Variants in WWP1 observed in about 807,000 individuals in gnomAD.
WWP1 encodes NEDD4-like E3 ubiquitin-protein ligase WWP1.
A neutral mutation model predicts 130.6 loss-of-function variants in WWP1; 49 were observed. The ratio of observed to expected loss-of-function variants is 0.38; its 90% CI spans 0.30 to 0.48. The LOEUF (loss-of-function observed/expected upper bound fraction) is 0.48, where lower values mean the gene tolerates loss of function less well. Among genes scored for constraint, WWP1 ranks in the 20% least tolerant of loss-of-function variants. The pLI, the probability that WWP1 is intolerant of heterozygous loss-of-function variation, is 0.99. For missense variants in WWP1, 809 were observed against 1,100.6 expected (o/e 0.74, Z 3.75); for synonymous variants, 332 against 367.8 (o/e 0.90, Z 1.11).
rs898607280 is a variant in WWP1 at position 86,377,121 on chromosome 8, T to C, written c.70+3001T>C. On this transcript the variant is annotated intron_variant, in intron 3 of 24. Transcript: ENST00000517970. Reference sequence around the variant, plus strand: ...TTTTTTTTGAAATGGAGTCTTGCTCTGTTGCCCAGGCTGGAGTGCAGTGGC... The same window carrying C: ...TTTTTTTTGAAATGGAGTCTTGCTCCGTTGCCCAGGCTGGAGTGCAGTGGC... Among the ~76,000 whole-genome samples, 17 of 152,256 alleles carry C rather than the reference T, an allele frequency of 1.1e-4. No homozygotes were observed. The South Asian group carries it at 2.7e-3, about 24-fold the overall frequency.
intron 5 of WWP1, among the ~76,000 whole-genome samples, chr8:86,382,315 A>G (rs1825028301): frequency 6.6e-6 from 1 of 152,176 alleles, no homozygotes; most frequent in African/African-American, 2.4e-5. Flanking sequence ...ATGCAAAAAT[A>G]TGGGGGTATG....
intron 21 of WWP1, 45 bp from the exon 22 acceptor site, chr8:86,457,876 T>G: frequency 3.8e-6 from 6 of 1,567,998 alleles, no homozygotes; most frequent in Non-Finnish European, 5.3e-6. Context: ...AATTATTCTC[T>G]TCACTAAATC....
At chr8:86,367,345 A>C (rs1824029898) in intron 1 of WWP1, among the ~76,000 whole-genome samples, 1 of 152,242 alleles carries the variant, frequency 6.6e-6, no homozygotes, top group Non-Finnish European at 1.5e-5. Context: ...TTAACACTGC[A>C]GAGTGTGCAG....
chr8:86,414,712 C>A (rs1808785590), intron 9 of WWP1, among the ~76,000 whole-genome samples: 1 of 152,114 alleles, frequency 6.6e-6, no homozygotes, highest in Non-Finnish European at 1.5e-5. Flanking sequence ...ACTTCAAGTT[C>A]TTTTGTTAAC....
chr8:86,396,797 G>C (rs1343801487), intron 5 of WWP1, among the ~76,000 whole-genome samples: 1 of 152,016 alleles, frequency 6.6e-6, no homozygotes, highest in South Asian at 2.1e-4. Context: ...ACAGCGTCTT[G>C]CTATGTTGGC....
chr8:86,406,731 G>A (rs6992287), intron 8 of WWP1, among the ~76,000 whole-genome samples: 111,006 of 151,986 alleles, frequency 0.73, 41,388 homozygotes, highest in African/African-American at 0.82. Flanking sequence ...TTCAATCCAG[G>A]TACAGAACTG....
At chr8:86,347,734 A>G (rs1263280480) in intron 1 of WWP1, among the ~76,000 whole-genome samples, 1 of 152,214 alleles carries the variant, frequency 6.6e-6, no homozygotes, top group Non-Finnish European at 1.5e-5. Flanking sequence ...AAAATTTTGA[A>G]TTTAATTCTG....
At chr8:86,361,080 G>A (rs1212469259) in intron 1 of WWP1, among the ~76,000 whole-genome samples, 3 of 152,150 alleles carry the variant, frequency 2.0e-5, no homozygotes, top group Admixed American at 6.5e-5. Flanking sequence ...ATGAGAGAAC[G>A]TTGGAAACAG....
chr8:86,401,999 T>G lies in WWP1; in HGVS notation c.540-20T>G. 1.3e-6 allele frequency: 2 copies of G among 1,542,406 alleles called. No individual in the cohort carries two copies. Among genetic ancestry groups the G allele is most frequent in the Non-Finnish European group, 1.8e-6 (2 of 1,140,780 alleles). On this transcript the variant is annotated intron_variant, in intron 7 of 24. Transcript: ENST00000517970. ...TTGAATTATACTTAAATGATTGAAA[T>G]AAGGCATTTTTTTTTCAAGGTTGGC...
chr8:86,357,366 GC>G (rs1442792074), intron 1 of WWP1, among the ~76,000 whole-genome samples: 3 of 152,006 alleles, frequency 2.0e-5, no homozygotes, highest in African/African-American at 7.2e-5. Flanking sequence ...ACTGCTAACA[GC>G]CAAATACTCT....
At chr8:86,452,752 C>T (rs1290171269) in intron 21 of WWP1, 73 bp downstream of exon 21, 6 of 1,548,710 alleles carry the variant, frequency 3.9e-6, no homozygotes, top group East Asian at 2.3e-5. Context: ...TTTTACAGAA[C>T]AGTGTTCACA....
At position 86,442,604 on chromosome 8, in the gene WWP1, C is replaced by T. The variant is rs1420450463; in HGVS notation, c.1839-15C>T. On this transcript the variant is annotated splice_polypyrimidine_tract_variant and intron_variant, in intron 17 of 24. Transcript: ENST00000517970. ...TATTAATGCTAAAAAATAACCTTGA[C>T]TTATTTTCTTATAGAGAATGGTTTT... The T allele has an allele frequency of 6.4e-7, 1 of 1,571,552 alleles. No homozygotes were observed. Among genetic ancestry groups the T allele is most frequent in the Non-Finnish European group, 8.6e-7 (1 of 1,161,042 alleles).
chr8:86,456,891 A>G (rs755136878), intron 21 of WWP1, among the ~76,000 whole-genome samples: 6 of 152,136 alleles, frequency 3.9e-5, no homozygotes, highest in Non-Finnish European at 7.4e-5. Flanking sequence ...ATATGTATGT[A>G]TGCATATATA....
intron 9 of WWP1, among the ~76,000 whole-genome samples, chr8:86,419,327 AG>A (rs1809066341): frequency 1.3e-5 from 2 of 152,222 alleles, no homozygotes; most frequent in Admixed American, 1.3e-4. Flanking sequence ...CTGAGGCAGA[AG>A]AATCGCTTGA....
chr8:86,374,118 C>T lies in WWP1; in HGVS notation c.68C>T (p.Thr23Ile). 2 of 1,604,960 alleles carry T rather than the reference C, an allele frequency of 1.2e-6. No homozygotes were observed. The highest frequency in any genetic ancestry group is 1.7e-6 in the Non-Finnish European group (2 of 1,176,598). The stretch of plus-strand genomic sequence containing the variant: ...AGTGGAAGGTTGCAGTTACAGGTAA[C>T]TGGTAAGTTATTTTTATATTTAATA... ...NHSGRLQLQVTVSSAKLKRKK... is the reference protein window; with the variant it reads ...NHSGRLQLQVIVSSAKLKRKK... The change falls in exon 3 of 25, where the codon ACT (threonine) becomes ATT (isoleucine). Residue 23 changes from threonine (T) to isoleucine (I), a missense_variant and splice_region_variant. Around this residue, in one of 3 missense-constraint regions of WWP1, gnomAD observed 262 missense variants for 346.0 expected, o/e 0.76. Transcript: ENST00000517970.
At chr8:86,361,974 GTATA>G (rs34016613) in intron 1 of WWP1, among the ~76,000 whole-genome samples, 13,394 of 127,390 alleles carry the variant, frequency 0.11, 674 homozygotes, top group Non-Finnish European at 0.13. Flanking sequence ...GTGTGTGTGT[GTATA>G]TATATATATA....
intron 2 of WWP1, among the ~76,000 whole-genome samples, chr8:86,369,916 A>C (rs971600877): frequency 6.6e-6 from 1 of 152,034 alleles, no homozygotes; most frequent in East Asian, 1.9e-4. Flanking sequence ...TAAAAAAAAA[A>C]CCCATGTAAT....
chr8:86,403,196 G>A (rs1440239141), intron 8 of WWP1, among the ~76,000 whole-genome samples: 1 of 152,182 alleles, frequency 6.6e-6, no homozygotes, highest in Non-Finnish European at 1.5e-5. Context: ...AAGAGCGTAT[G>A]TTCCTCCCTG....
chr8:86,352,263 C>T (rs1354289093), intron 1 of WWP1, among the ~76,000 whole-genome samples: 2 of 151,824 alleles, frequency 1.3e-5, no homozygotes, highest in Non-Finnish European at 2.9e-5. Flanking sequence ...GTCTTACTGT[C>T]ACCCAGGTTG....
Sources: gnomAD v4.1 joint callset for allele counts (sites outside exome capture counted in the v4.1 genomes callset) on GRCh38, gnomAD v4.1.1 for gene constraint, gnomAD v4.1.1 regional missense constraint, MANE v1.5 for transcripts, NCBI Gene and HGNC (gene_info 2026-07-23, HGNC 2026-07-21) for gene names.